The following CSMD1 variants were observed in gnomAD, a reference collection of about 807,000 sequenced individuals.
CSMD1 encodes the protein CUB and sushi domain-containing protein 1.
A neutral mutation model predicts 417.5 loss-of-function variants in CSMD1; 213 were observed. The ratio of observed to expected loss-of-function variants is 0.51; its 90% CI spans 0.46 to 0.57. The LOEUF is 0.57. Among genes scored for constraint, CSMD1 ranks in the 20% least tolerant of loss-of-function variants. CSMD1 has a pLI of 0.00. For synonymous variants in CSMD1, 2,862 were observed against 1,736.8 expected (o/e 1.65, Z -16.11); for missense variants, 6,923 against 4,529.7 (o/e 1.53, Z -15.17).
intron 10 of CSMD1, among the ~76,000 whole-genome samples, chr8:3,495,582 C>T (rs148250623): frequency 1.3e-5 from 2 of 152,312 alleles, no homozygotes; most frequent in African/African-American, 4.8e-5. Flanking sequence ...TGCTGATGCT[C>T]AGTAAAAACA....
intron 10 of CSMD1, among the ~76,000 whole-genome samples, chr8:3,496,548 T>C (rs565191324): frequency 1.3e-5 from 2 of 152,284 alleles, no homozygotes; most frequent in East Asian, 1.9e-4. Flanking sequence ...TCATAGGTTT[T>C]GGTATGTTGT....
chr8:4,615,251 A>G (rs983064686), intron 2 of CSMD1, among the ~76,000 whole-genome samples: 5 of 152,224 alleles, frequency 3.3e-5, no homozygotes, highest in African/African-American at 1.2e-4. Context: ...ACACCTGCAT[A>G]GAACGTGGAG....
chr8:3,971,445 G>A (rs957340874), intron 5 of CSMD1, among the ~76,000 whole-genome samples: 3 of 151,842 alleles, frequency 2.0e-5, no homozygotes, highest in Non-Finnish European at 4.4e-5. Context: ...ATAAGCTTTG[G>A]GATTCGACTA....
At position 4,197,645 on chromosome 8, in the gene CSMD1, G is replaced by A. The variant is rs368730797; in HGVS notation, c.416-165546C>T. Among the ~76,000 whole-genome samples the A allele has an allele frequency of 4.7e-4, 71 of 152,318 alleles. No individual in the cohort carries two copies. The South Asian group carries it at 0.013, about 27-fold the overall frequency. On this transcript the variant is annotated intron_variant, in intron 3 of 69. Coordinates refer to ENST00000635120, the MANE Select transcript of CSMD1 (RefSeq NM_033225.6). ...TGAAATCCCAGCATTTTGGGAGGCC[G>A]AGGCAGGTGGATCATTTGAGGCCAG... is the stretch of plus-strand genomic sequence containing the variant.
At chr8:4,007,637 T>C (rs1315347751) in intron 4 of CSMD1, among the ~76,000 whole-genome samples, 1 of 152,212 alleles carries the variant, frequency 6.6e-6, no homozygotes, top group Non-Finnish European at 1.5e-5. Context: ...TGCGTGCACC[T>C]GTTCCTAGGA....
chr8:4,437,535 A>C (rs1020068938), intron 2 of CSMD1, among the ~76,000 whole-genome samples: 1 of 152,162 alleles, frequency 6.6e-6, no homozygotes, highest in African/African-American at 2.4e-5. Context: ...TTTATTTCAT[A>C]TTTATATTAC....
intron 3 of CSMD1, among the ~76,000 whole-genome samples, chr8:4,150,982 A>G (rs1257561003): frequency 4.6e-5 from 7 of 152,190 alleles, no homozygotes; most frequent in Non-Finnish European, 1.0e-4. Context: ...ATACAGGACT[A>G]GACATTATTT....
chr8:4,059,302 G>C (rs537890420), intron 3 of CSMD1, among the ~76,000 whole-genome samples: 1 of 139,548 alleles, frequency 7.2e-6, no homozygotes, highest in Non-Finnish European at 1.6e-5. Flanking sequence ...ACTGTGTAGA[G>C]TGAAATTTAT....
At chr8:4,777,517 C>T (rs1796926618) in intron 1 of CSMD1, among the ~76,000 whole-genome samples, 1 of 152,168 alleles carries the variant, frequency 6.6e-6, no homozygotes, top group Admixed American at 6.5e-5. Context: ...CCAGTGTATA[C>T]CTGAAACATA....
At chr8:3,194,849 C>A (rs2129052341) in intron 33 of CSMD1, among the ~76,000 whole-genome samples, 1 of 152,118 alleles carries the variant, frequency 6.6e-6, no homozygotes, top group Middle Eastern at 3.4e-3. Context: ...CCTTGAGCTC[C>A]TGAGCCTGGG....
At chr8:4,202,482 A>G (rs1360420426) in intron 3 of CSMD1, among the ~76,000 whole-genome samples, 1 of 152,212 alleles carries the variant, frequency 6.6e-6, no homozygotes, top group Admixed American at 6.5e-5. Flanking sequence ...TAAGTTTTAA[A>G]CTAGGTCTTC....
At chr8:4,910,362 T>TA in intron 1 of CSMD1, among the ~76,000 whole-genome samples, 1 of 152,292 alleles carries the variant, frequency 6.6e-6, no homozygotes, top group South Asian at 2.1e-4. Context: ...TTGGCTGCTA[T>TA]AAAAAATACT....
chr8:3,697,823 C>A (rs1004827457), intron 7 of CSMD1, among the ~76,000 whole-genome samples: 4 of 152,110 alleles, frequency 2.6e-5, no homozygotes, highest in African/African-American at 9.7e-5. Flanking sequence ...TTTTTTAGGT[C>A]TGCCATCATC....
At chr8:4,432,308 T>A (rs530923860) in intron 2 of CSMD1, among the ~76,000 whole-genome samples, 5 of 152,304 alleles carry the variant, frequency 3.3e-5, no homozygotes, top group South Asian at 4.2e-4. Context: ...GCCCAGAGAC[T>A]AGGCAGCTTA....
intron 12 of CSMD1, among the ~76,000 whole-genome samples, chr8:3,410,295 T>G (rs919894026): frequency 6.6e-6 from 1 of 152,222 alleles, no homozygotes; most frequent in Admixed American, 6.5e-5. Flanking sequence ...CCACTGTGTG[T>G]CAGGTCCTGT....
intron 5 of CSMD1, among the ~76,000 whole-genome samples, chr8:3,757,049 C>T (rs1797699056): frequency 1.3e-5 from 2 of 152,174 alleles, no homozygotes; most frequent in Admixed American, 1.3e-4. Context: ...GAAATCCTCT[C>T]ACCTTTGCCT....
chr8:4,393,681 A>G (rs56162145), intron 3 of CSMD1, among the ~76,000 whole-genome samples: 30,852 of 152,178 alleles, frequency 0.2, 3,647 homozygotes, highest in East Asian at 0.36. Context: ...CTCCTATACT[A>G]TAATTAACCA....
chr8:4,229,163 C>A (rs1801552814), intron 3 of CSMD1, among the ~76,000 whole-genome samples: 2 of 152,162 alleles, frequency 1.3e-5, no homozygotes, highest in Admixed American at 1.3e-4. Flanking sequence ...TTGGGCAGGA[C>A]AAAAACCCGG....
chr8:4,760,460 T>C (rs1180584286), intron 1 of CSMD1, among the ~76,000 whole-genome samples: 1 of 152,192 alleles, frequency 6.6e-6, no homozygotes, highest in Non-Finnish European at 1.5e-5. Context: ...ATGCCTAATA[T>C]GCTACTGACT....
Sources: allele counts gnomAD v4.1 joint callset (sites outside exome capture counted in the v4.1 genomes callset), GRCh38; gene constraint gnomAD v4.1.1; transcripts MANE v1.5; gene names NCBI Gene and HGNC (gene_info 2026-07-23, HGNC 2026-07-21).